DOCK8: variants seen among roughly 807,000 people sequenced by gnomAD.
DOCK8 encodes dedicator of cytokinesis 8, also known as dedicator of cytokinesis protein 8.
In DOCK8, 141 loss-of-function variants were observed where a neutral mutation model predicts 245.6. That is an observed-to-expected ratio of 0.57 (90% CI 0.50 to 0.66). The LOEUF is 0.66. Ranked by LOEUF, DOCK8 falls within the 30% of genes least tolerant of loss-of-function variation. DOCK8 has a pLI of 0.00. For synonymous variants in DOCK8, 1,168 were observed against 970.2 expected, an observed-to-expected ratio of 1.20 and a Z score of -3.79; for missense variants, 2,965 against 2,603.4, an observed-to-expected ratio of 1.14 and a Z score of -3.02.
At chr9:400,162 A>T (rs1476352495) in intron 26 of DOCK8, among the ~76,000 whole-genome samples, 52 of 76,490 alleles carry the variant, frequency 6.8e-4, no homozygotes, top group Non-Finnish European at 7.8e-4. Flanking sequence ...CACCACCACC[A>T]CCACCTCCAC....
chr9:216,540 A>AAAAAAAAAAAAAAAAAAAAAAAC, intron 1 of DOCK8, among the ~76,000 whole-genome samples: 1 of 142,998 alleles, frequency 7.0e-6, no homozygotes, highest in Non-Finnish European at 1.6e-5. Flanking sequence ...AAACAGACAA[A>AAAAAAAAAAAAAAAAAAAAAAAC]AAAAAAAAAA....
intron 2 of DOCK8, chr9:281,051 T>G (rs1030840332): frequency 6.6e-6 from 1 of 152,230 alleles, no homozygotes; most frequent in African/African-American, 2.4e-5. Context: ...GCCAGGAGTT[T>G]GAGACCAGCC....
Position 446,614 on chromosome 9 carries a change from A to C in DOCK8, c.5817+8A>C, listed in dbSNP as rs1587080136. The C allele has an allele frequency of 6.2e-7, 1 of 1,613,694 alleles. No homozygotes were observed. Among genetic ancestry groups the C allele is most frequent in the Admixed American group, 1.7e-5 (1 of 59,994 alleles). On this transcript the variant is annotated splice_region_variant and intron_variant, in intron 44 of 47. Coordinates refer to ENST00000432829, the MANE Select transcript of DOCK8 (RefSeq NM_203447.4). Reference sequence around the variant, plus strand: ...GTCATCCAGAAGGAGGAGGTAATGCACCCAAGGGATTGGCCACCACTGGAT... The same window carrying C: ...GTCATCCAGAAGGAGGAGGTAATGCCCCCAAGGGATTGGCCACCACTGGAT...
chr9:408,272 T>A (rs1258610157), intron 28 of DOCK8, among the ~76,000 whole-genome samples: 1 of 152,230 alleles, frequency 6.6e-6, no homozygotes, highest in Non-Finnish European at 1.5e-5. Flanking sequence ...ACTGCAACAG[T>A]CACATGTGTC....
chr9:392,921 T>C (rs1271987982), intron 24 of DOCK8, among the ~76,000 whole-genome samples: 1 of 151,542 alleles, frequency 6.6e-6, no homozygotes, highest in Non-Finnish European at 1.5e-5. Context: ...AGCCTAGCTC[T>C]GCAAAAATGA....
intron 16 of DOCK8, 119 bp from the exon 17 acceptor site, chr9:371,308 TA>T: frequency 8.4e-7 from 1 of 1,196,792 alleles, no homozygotes; most frequent in Non-Finnish European, 1.2e-6. Context: ...CAGAGTAATG[TA>T]AAATGAAAAG....
At chr9:271,517 T>C (rs1337067340) in intron 1 of DOCK8, 110 bp from the exon 2 acceptor site, 1 of 841,460 alleles carries the variant, frequency 1.2e-6, no homozygotes, top group African/African-American at 1.7e-5. Flanking sequence ...GTTCTGCTCA[T>C]TGCCCAGCCA....
chr9:312,118 G>T lies in DOCK8; in HGVS notation c.693G>T (p.Arg231Ser), dbSNP rs1385042590. The change falls in exon 6 of 48, where the codon AGG (arginine) becomes AGT (serine). Residue 231 changes from arginine (R) to serine (S), a missense_variant. Transcript: ENST00000432829. ...AGAAGCAGAACGAGGAGGCCCGGAG[G>T]ACCAATAGGCAGGCCGAGCTCTTTG... is the stretch of plus-strand genomic sequence containing the variant. ...DFEKQNEEAR[R>S]TNRQAELFAL... 3.7e-6 allele frequency: 6 copies of T among 1,614,218 alleles called. No individual in the cohort carries two copies. The South Asian group carries it at 6.6e-5, about 18-fold the overall frequency.
intron 2 of DOCK8, among the ~76,000 whole-genome samples, chr9:273,659 A>G (rs1276104788): frequency 6.6e-6 from 1 of 151,388 alleles, no homozygotes; most frequent in Admixed American, 6.6e-5. Flanking sequence ...AACAGGCTTT[A>G]ACCCTTTCTC....
At chr9:346,802 A>G (rs1206580962) in intron 14 of DOCK8, among the ~76,000 whole-genome samples, 2 of 150,362 alleles carry the variant, frequency 1.3e-5, no homozygotes, top group Admixed American at 6.6e-5. Context: ...CGTAGCATGC[A>G]TGCAGGACCT....
At chr9:311,227 G>A (rs963598572) in intron 5 of DOCK8, among the ~76,000 whole-genome samples, 2 of 151,766 alleles carry the variant, frequency 1.3e-5, no homozygotes, top group Middle Eastern at 3.4e-3. Flanking sequence ...GGAGGTTGCA[G>A]TGAGCTGAGA....
intron 1 of DOCK8, among the ~76,000 whole-genome samples, chr9:225,893 G>C (rs758385519): frequency 6.6e-6 from 1 of 152,124 alleles, no homozygotes; most frequent in Non-Finnish European, 1.5e-5. Context: ...GAGTAAATTT[G>C]ATGTGTTGGA....
intron 46 of DOCK8, among the ~76,000 whole-genome samples, chr9:457,724 A>G (rs2057683945): frequency 6.6e-6 from 1 of 152,208 alleles, no homozygotes; most frequent in Non-Finnish European, 1.5e-5. Context: ...CATCTCTAAT[A>G]GTTTATCATT....
At chr9:366,260 CAG>C (rs1491128514) in intron 14 of DOCK8, 7 of 152,874 alleles carry the variant, frequency 4.6e-5, no homozygotes, top group African/African-American at 1.7e-4. Context: ...CAGAAAGTCA[CAG>C]GGTACAGCAA....
chr9:456,185 G>A lies in DOCK8; in HGVS notation c.6068+4068G>A, dbSNP rs539528815. 2.2e-4 allele frequency: 33 copies of A among 152,290 alleles called. 1 individual carries two copies. The highest frequency in any genetic ancestry group is 7.5e-4 in the African/African-American group (31 of 41,556). 9.4% of individuals were successfully genotyped at this position (152,290 alleles called of 1,614,324 possible). A position where few individuals can be genotyped will look rare whatever the true frequency, so the allele number is the denominator to read the frequency against. Reference sequence around the variant, plus strand: ...TAAACATAAAATGGGTGAATGTTACGGTATGTAAATCATACCCTGAATACA... The same window carrying A: ...TAAACATAAAATGGGTGAATGTTACAGTATGTAAATCATACCCTGAATACA... On this transcript the variant is annotated intron_variant, in intron 46 of 47. Coordinates refer to ENST00000432829, the MANE Select transcript of DOCK8 (RefSeq NM_203447.4).
intron 39 of DOCK8, among the ~76,000 whole-genome samples, chr9:436,923 C>G (rs2056924231): frequency 6.6e-6 from 1 of 152,018 alleles, no homozygotes; most frequent in Admixed American, 6.6e-5. Flanking sequence ...ATGGTCCAGG[C>G]CCTGTGGGTC....
intron 1 of DOCK8, among the ~76,000 whole-genome samples, chr9:241,532 C>G (rs1164839225): frequency 6.6e-6 from 1 of 152,166 alleles, no homozygotes; most frequent in African/African-American, 2.4e-5. Context: ...TCCTCCATTT[C>G]CATCCATATT....
At chr9:422,882 G>C (rs1408118601) in intron 33 of DOCK8, among the ~76,000 whole-genome samples, 3 of 152,106 alleles carry the variant, frequency 2.0e-5, no homozygotes, top group Non-Finnish European at 4.4e-5. Context: ...CTACTCAGGA[G>C]GCTGAGGAGG....
chr9:216,239 G>C (rs1047160295), intron 1 of DOCK8, among the ~76,000 whole-genome samples: 10 of 152,120 alleles, frequency 6.6e-5, no homozygotes, highest in African/African-American at 2.4e-4. Flanking sequence ...TAGTCAAAAG[G>C]CATAAAGAGG....
Sources: gnomAD v4.1 joint callset for allele counts (sites outside exome capture counted in the v4.1 genomes callset) on GRCh38, gnomAD v4.1.1 for gene constraint, MANE v1.5 for transcripts, NCBI Gene and HGNC (gene_info 2026-07-23, HGNC 2026-07-21) for gene names.